DNAH5: variants seen among roughly 807,000 people sequenced by gnomAD.
DNAH5 encodes dynein axonemal heavy chain 5.
Under a neutral mutation model 518.2 loss-of-function variants are expected in DNAH5, and 372 were observed. The observed-to-expected ratio is 0.72, with a 90% confidence interval of 0.66 to 0.78. DNAH5 has a LOEUF of 0.78. Ranked by LOEUF, DNAH5 falls within the 30% of genes least tolerant of loss-of-function variation. The pLI, the probability that DNAH5 is intolerant of heterozygous loss-of-function variation, is 0.00. For missense variants in DNAH5, 5,523 were observed against 5,687.0 expected, an observed-to-expected ratio of 0.97 and a Z score of 0.93; for synonymous variants, 2,039 against 2,025.9, an observed-to-expected ratio of 1.01 and a Z score of -0.17.
chr5:13,985,643 CA>C (rs1783002510), intron 1 of DNAH5, among the ~76,000 whole-genome samples: 1 of 151,966 alleles, frequency 6.6e-6, no homozygotes, highest in Admixed American at 6.6e-5. Context: ...TTTGTTACAA[CA>C]GCCAAAGGAA....
chr5:13,719,061 T>TCAAGTC lies in DNAH5; in HGVS notation c.12314_12319dup (p.Gly4105_Leu4106dup), dbSNP rs1301586880. The TCAAGTC allele has an allele frequency of 3.7e-6, 6 of 1,613,970 alleles. No homozygotes were observed. The East Asian group carries it at 6.7e-5, about 18-fold the overall frequency. On this transcript the variant is annotated inframe_insertion, in exon 72 of 79. Coordinates refer to ENST00000265104, the MANE Select transcript of DNAH5 (RefSeq NM_001369.3). ...TATGTCCATCAGCTCATCCATGAAA[T>TCAAGTC]CAAGTCCCAGATGGCAGTTCTGCAG...
At chr5:13,794,184 TC>T (rs1324516798) in intron 47 of DNAH5, 126 bp from the exon 48 acceptor site, 1 of 1,199,088 alleles carries the variant, frequency 8.3e-7, no homozygotes, top group African/African-American at 1.5e-5. Flanking sequence ...AAGCCAAATT[TC>T]CCCCTTAATT....
intron 11 of DNAH5, among the ~76,000 whole-genome samples, chr5:13,912,842 C>T (rs1046758994): frequency 2.3e-4 from 35 of 151,782 alleles, no homozygotes; most frequent in African/African-American, 8.5e-4. Context: ...ACCTTTACAT[C>T]AACTACTCAA....
rs147499916 is a variant in DNAH5, at chr5:13,869,469, C to T, written c.3834+1298G>A. The stretch of plus-strand genomic sequence containing the variant: ...ATGGCTGAGAAGTGCTTTTCCTTAA[C>T]GTCTCCACTCTTGGGTCTTTGTCAA... On this transcript the variant is annotated intron_variant, in intron 24 of 78. Transcript: ENST00000265104. Among the ~76,000 whole-genome samples the T allele has an allele frequency of 1.4e-4, 21 of 152,206 alleles. No homozygotes were observed. In the East Asian group the frequency reaches 3.9e-3, roughly 28 times the overall value.
intron 50 of DNAH5, among the ~76,000 whole-genome samples, chr5:13,791,585 T>C (rs1756997234): frequency 6.6e-6 from 1 of 152,188 alleles, no homozygotes; most frequent in Admixed American, 6.6e-5. Flanking sequence ...TGAATATTTA[T>C]TATAAAGATA....
Position 13,766,804 on chromosome 5 carries a change from T to C in DNAH5, c.9898-625A>G, listed in dbSNP as rs780788749. Among the ~76,000 whole-genome samples, 6 of 152,232 alleles carry C rather than the reference T, an allele frequency of 3.9e-5. No homozygotes were observed. In the South Asian group the frequency reaches 1.2e-3, roughly 32 times the overall value. ...TAGAGTAAATGATTTAATAGTCACA[T>C]ACACCTGTTTTGGTTGATAATAACT... On this transcript the variant is annotated intron_variant, in intron 58 of 78. Transcript: ENST00000265104.
chr5:14,008,291 T>TGAGGGAGGGAGGGAAGGAGGAGGGGAGG (rs146724289), intron 1 of DNAH5, among the ~76,000 whole-genome samples: 17 of 146,214 alleles, frequency 1.2e-4, no homozygotes, highest in East Asian at 6.0e-4. Context: ...GAGGAAGAAA[T>TGAGGGAGGGAGGGAAGGAGGAGGGGAGG]GAGGGAGAGA....
intron 1 of DNAH5, among the ~76,000 whole-genome samples, chr5:13,971,211 C>T (rs890935688): frequency 1.3e-5 from 2 of 151,888 alleles, no homozygotes; most frequent in Non-Finnish European, 2.9e-5. Flanking sequence ...AGTTGGTATT[C>T]ACCTTTTTCT....
intron 65 of DNAH5, among the ~76,000 whole-genome samples, chr5:13,746,455 CA>C (rs1396662042): frequency 6.6e-6 from 1 of 152,056 alleles, no homozygotes; most frequent in Non-Finnish European, 1.5e-5. Flanking sequence ...GAGGACAGGC[CA>C]ACACACGGTT....
Position 13,923,315 on chromosome 5 carries a change from G to A in DNAH5, c.403C>T (p.Pro135Ser), listed in dbSNP as rs1381733326. 6.2e-7 allele frequency: 1 copy of A among 1,613,924 alleles called. No individual in the cohort carries two copies. Among genetic ancestry groups the A allele is most frequent in the African/African-American group, 1.3e-5 (1 of 74,866 alleles). ...TTGTCAGGGGTGATGGCTTTGGAAG[G>A]GTCAGTCCTGATGAAGAACACACAT... ...GVCVFFIRTD[P>S]SKAITPDNIH... The change falls in exon 4 of 79, where the codon CCT becomes TCT. Residue 135 changes from proline (P) to serine (S), a missense_variant. Around this residue, in one of 3 missense-constraint regions of DNAH5, gnomAD observed 5,121 missense variants for 5,223.3 expected, o/e 0.98. Transcript: ENST00000265104.
rs567783697 is a variant in DNAH5 at position 13,845,999 on chromosome 5, A to AT, written c.5115-1007dup. 6.2e-3 allele frequency among the ~76,000 whole-genome samples: 702 copies of AT among 114,124 alleles called. 6 individuals are homozygous for AT. The highest frequency in any genetic ancestry group is 0.014 in the East Asian group (53 of 3,684). The allele number at this position is 114,124 out of a possible 152,430, so 74.9% of individuals were successfully genotyped here. On this transcript the variant is annotated intron_variant, in intron 31 of 78. Coordinates refer to ENST00000265104, the MANE Select transcript of DNAH5 (RefSeq NM_001369.3). ...GCCTGTGCCACCACGCCCAGCTAAT[A>AT]TTTTTTTTTTTTTTTTTTTAGTAGA...
intron 1 of DNAH5, among the ~76,000 whole-genome samples, chr5:13,931,521 C>T (rs1778425473): frequency 6.6e-6 from 1 of 152,128 alleles, no homozygotes; most frequent in African/African-American, 2.4e-5. Context: ...ACATTTTGTT[C>T]TAAATCTTTA....
intron 78 of DNAH5, among the ~76,000 whole-genome samples, chr5:13,699,348 G>A (rs1259678668): frequency 6.6e-6 from 1 of 152,168 alleles, no homozygotes; most frequent in Non-Finnish European, 1.5e-5. Context: ...GGTTCATAAT[G>A]ATCTTTGCAT....
At chr5:13,862,436 C>A (rs1768582601) in intron 29 of DNAH5, 112 bp downstream of exon 29, 2 of 1,054,224 alleles carry the variant, frequency 1.9e-6, no homozygotes, top group Admixed American at 4.6e-5. Context: ...CAAGTATTTT[C>A]AACATTGAGT....
In DNAH5 at chr5:13,894,696, T is replaced by G; in HGVS notation, c.2385A>C (p.Thr795=). ...LQPGLAALTW[T]SLNIEAYLEN... The stretch of plus-strand genomic sequence containing the variant: ...CTAAATAAGCCTCAATATTCAGTGA[T>G]GTCCAGGTCAGTGCAGCCAAGCCAG... Residue 795 remains threonine (T), a synonymous_variant, in exon 16 of 79, where the codon ACA becomes ACC. Transcript: ENST00000265104. 6.2e-7 allele frequency: 1 copy of G among 1,614,134 alleles called. No individual in the cohort carries two copies. The highest frequency in any genetic ancestry group is 8.5e-7 in the Non-Finnish European group (1 of 1,179,966).
chr5:13,816,083 G>A (rs950209530), intron 42 of DNAH5, among the ~76,000 whole-genome samples: 1 of 152,158 alleles, frequency 6.6e-6, no homozygotes, highest in Admixed American at 6.5e-5. Flanking sequence ...AAGAAGGCAG[G>A]CGATCAACTG....
rs1453545341 is a variant in DNAH5, at chr5:13,886,132, AACC to A, written c.2578-6_2578-4del. 2.6e-5 allele frequency: 38 copies of A among 1,465,800 alleles called. No individual in the cohort carries two copies. The Admixed American group carries it at 8.1e-4, about 31-fold the overall frequency. The allele number at this position is 1,465,800 out of a possible 1,614,324, so 90.8% of individuals were successfully genotyped here. A position where few individuals can be genotyped will look rare whatever the true frequency, so the allele number is the denominator to read the frequency against. ...TGTGCACCATTTACACAAAGATCCTAACCAAAAAAAAAAAAAAAAAAAGATAGC... is the reference window on the plus strand; with the variant it reads ...TGTGCACCATTTACACAAAGATCCTAAAAAAAAAAAAAAAAAAAAGATAGC... On this transcript the variant is annotated splice_polypyrimidine_tract_variant and splice_region_variant and intron_variant, in intron 17 of 78. Coordinates refer to ENST00000265104, the MANE Select transcript of DNAH5 (RefSeq NM_001369.3).
intron 46 of DNAH5, among the ~76,000 whole-genome samples, chr5:13,808,600 A>G (rs577111318): frequency 4.1e-4 from 62 of 152,384 alleles, no homozygotes; most frequent in African/African-American, 1.3e-3. Context: ...ATAAAGGAAT[A>G]GTAGGTTAGG....
intron 30 of DNAH5, among the ~76,000 whole-genome samples, chr5:13,853,694 G>GA (rs1220328767): frequency 6.6e-6 from 1 of 151,802 alleles, no homozygotes; most frequent in African/African-American, 2.4e-5. Flanking sequence ...TGATGGAACT[G>GA]AAAAACACAG....
Sources: allele counts gnomAD v4.1 joint callset (sites outside exome capture counted in the v4.1 genomes callset), GRCh38; gene constraint gnomAD v4.1.1; regional missense constraint gnomAD v4.1.1; transcripts MANE v1.5; gene names NCBI Gene and HGNC (gene_info 2026-07-23, HGNC 2026-07-21).